The following HELLS variants were observed in gnomAD, a reference collection of about 807,000 sequenced individuals.
The protein encoded by HELLS is helicase, lymphoid specific, also known as lymphoid-specific helicase.
In HELLS, 32 loss-of-function variants were observed where a neutral mutation model predicts 120.0. The observed-to-expected ratio is 0.27, with a 90% confidence interval of 0.20 to 0.36. The LOEUF (loss-of-function observed/expected upper bound fraction) is 0.36, where lower values mean the gene tolerates loss of function less well. Ranked by LOEUF, HELLS falls within the 10% of genes least tolerant of loss-of-function variation. The probability of loss-of-function intolerance (pLI) is 1.00; values close to 1 mark genes in which losing one functional copy is unlikely to be tolerated. For missense variants in HELLS, 650 were observed against 993.4 expected, an observed-to-expected ratio of 0.65 and a Z score of 4.65; for synonymous variants, 341 against 323.4, an observed-to-expected ratio of 1.05 and a Z score of -0.58.
At chr10:94,595,590 C>T (rs968596082) in intron 19 of HELLS, among the ~76,000 whole-genome samples, 2 of 151,834 alleles carry the variant, frequency 1.3e-5, no homozygotes, top group African/African-American at 4.8e-5. Context: ...TTTTTCATTT[C>T]CTTATCATAA....
chr10:94,569,642 ATT>A (rs1247422798), intron 6 of HELLS: 2 of 152,038 alleles, frequency 1.3e-5, no homozygotes, highest in Admixed American at 1.3e-4. Flanking sequence ...ATTCCTGAGT[ATT>A]GTCATAGTGA....
chr10:94,590,656 T>C lies in HELLS; in HGVS notation c.1647T>C (p.Asn549=). 1 of 1,609,802 alleles carries C rather than the reference T, an allele frequency of 6.2e-7. No individual in the cohort carries two copies. ...TTGGTAGAGCTGTTGTGGAAGTGAATATCCCTGTAGAATCTGAAGTTAATC... is the reference window on the plus strand; with the variant it reads ...TTGGTAGAGCTGTTGTGGAAGTGAACATCCCTGTAGAATCTGAAGTTAATC... ...VDRERAVVEV[N]IPVESEVNLK... is the part of the protein sequence containing the mutation. Residue 549 remains asparagine (N), a synonymous_variant, in exon 15 of 22, where the codon AAT becomes AAC. Transcript: ENST00000348459.
intron 6 of HELLS, among the ~76,000 whole-genome samples, chr10:94,566,811 C>T (rs1340267752): frequency 1.3e-5 from 2 of 152,030 alleles, no homozygotes; most frequent in South Asian, 2.1e-4. Context: ...CGTGCCACCA[C>T]GCCTGGCTGT....
downstream of HELLS, among the ~76,000 whole-genome samples, chr10:94,602,643 T>A (rs2134141248): frequency 6.6e-6 from 1 of 152,316 alleles, no homozygotes; most frequent in South Asian, 2.1e-4. Flanking sequence ...GAACCGTCAC[T>A]TAAGAAAAAC....
intron 9 of HELLS, among the ~76,000 whole-genome samples, chr10:94,575,770 T>TG (rs1564597329): frequency 2.2e-4 from 14 of 64,532 alleles, no homozygotes; most frequent in East Asian, 1.2e-3. Flanking sequence ...GGGGGTTGTG[T>TG]TTGTGTGTGT....
intron 21 of HELLS, among the ~76,000 whole-genome samples, chr10:94,600,497 G>T (rs1845983497): frequency 6.6e-6 from 1 of 152,080 alleles, no homozygotes; most frequent in Admixed American, 6.6e-5. Context: ...TTGGCTAGAA[G>T]TACAATATGG....
chr10:94,561,728 A>C (rs1355627677), intron 4 of HELLS, among the ~76,000 whole-genome samples: 1 of 152,074 alleles, frequency 6.6e-6, no homozygotes, highest in Admixed American at 6.6e-5. Flanking sequence ...AGTCCTCCTA[A>C]AGTGCTGGGA....
At chr10:94,605,080 C>T (rs746573217), downstream of HELLS, among the ~76,000 whole-genome samples, 1 of 130,306 alleles carries the variant, frequency 7.7e-6, no homozygotes, top group African/African-American at 2.9e-5. Context: ...TCTCCCCCCC[C>T]CCCCCTTTTT....
chr10:94,552,211 A>G (rs558062234), intron 2 of HELLS, among the ~76,000 whole-genome samples: 185 of 152,264 alleles, frequency 1.2e-3, no homozygotes, highest in African/African-American at 4.1e-3. Flanking sequence ...ACAAAATACT[A>G]AAAAATCTGC....
chr10:94,571,274 G>C (rs2134045276), intron 6 of HELLS, 114 bp from the exon 7 acceptor site: 1 of 828,232 alleles, frequency 1.2e-6, no homozygotes, highest in South Asian at 1.7e-5. Context: ...GTTTTATCTT[G>C]AGAATCTCAT....
At chr10:94,551,429 G>T (rs991129819) in intron 2 of HELLS, among the ~76,000 whole-genome samples, 1 of 151,852 alleles carries the variant, frequency 6.6e-6, no homozygotes, top group African/African-American at 2.4e-5. Flanking sequence ...AGCGGGGTGT[G>T]GTGGCAGGTG....
intron 13 of HELLS, among the ~76,000 whole-genome samples, chr10:94,589,314 T>A (rs991933697): frequency 2.0e-5 from 3 of 152,226 alleles, no homozygotes; most frequent in African/African-American, 4.8e-5. Flanking sequence ...ATATACAGAT[T>A]GAGCATCCAA....
At chr10:94,583,584 CG>C (rs1333070942) in intron 12 of HELLS, among the ~76,000 whole-genome samples, 1 of 151,990 alleles carries the variant, frequency 6.6e-6, no homozygotes, top group Non-Finnish European at 1.5e-5. Context: ...ATGAGAAAAA[CG>C]TGAAGCAGGA....
chr10:94,565,479 C>T (rs1379089675), intron 6 of HELLS, among the ~76,000 whole-genome samples: 4 of 152,178 alleles, frequency 2.6e-5, no homozygotes, highest in Admixed American at 1.3e-4. Flanking sequence ...CACCTGATGT[C>T]AAGAGTTCGA....
At chr10:94,568,734 C>T (rs187346157) in intron 6 of HELLS, among the ~76,000 whole-genome samples, 29 of 152,206 alleles carry the variant, frequency 1.9e-4, no homozygotes, top group Non-Finnish European at 3.4e-4. Flanking sequence ...AGCTGTCACA[C>T]AGATAATCAC....
chr10:94,584,596 TAG>T (rs1845029473), intron 12 of HELLS, among the ~76,000 whole-genome samples: 1 of 152,094 alleles, frequency 6.6e-6, no homozygotes, highest in Non-Finnish European at 1.5e-5. Context: ...GAAATTTAAT[TAG>T]AGTCAAGACA....
intron 10 of HELLS, chr10:94,577,077 T>TA: frequency 1.8e-6 from 1 of 540,710 alleles, no homozygotes; most frequent in Non-Finnish European, 3.4e-6. Context: ...CGGAATGTAT[T>TA]ACAGATATAT....
chr10:94,558,365 G>C (rs1843368576), intron 4 of HELLS, among the ~76,000 whole-genome samples, 170 bp downstream of exon 4: 1 of 152,118 alleles, frequency 6.6e-6, no homozygotes, highest in Non-Finnish European at 1.5e-5. Context: ...CACTATTTAA[G>C]AAATGGAGAA....
intron 10 of HELLS, among the ~76,000 whole-genome samples, chr10:94,580,612 G>A (rs1022337622): frequency 6.6e-6 from 1 of 152,088 alleles, no homozygotes; most frequent in African/African-American, 2.4e-5. Flanking sequence ...AGAAGATACA[G>A]TACTATAAAC....
Sources: gnomAD v4.1 joint callset for allele counts (sites outside exome capture counted in the v4.1 genomes callset) on GRCh38, gnomAD v4.1.1 for gene constraint, MANE v1.5 for transcripts, NCBI Gene and HGNC (gene_info 2026-07-23, HGNC 2026-07-21) for gene names.